Variants in PDXDC1 observed in about 807,000 individuals in gnomAD.
The protein encoded by PDXDC1 is pyridoxal dependent decarboxylase domain containing 1, also known as pyridoxal-dependent decarboxylase domain-containing protein 1.
Under a neutral mutation model 100.1 loss-of-function variants are expected in PDXDC1, and 42 were observed. The ratio of observed to expected loss-of-function variants is 0.42; its 90% CI spans 0.33 to 0.54. The LOEUF (loss-of-function observed/expected upper bound fraction) is 0.54. PDXDC1 is among the 20% of genes least tolerant of loss of function. PDXDC1 has a pLI of 0.10. For synonymous variants in PDXDC1, 260 were observed against 371.7 expected, an observed-to-expected ratio of 0.70 and a Z score of 3.46; for missense variants, 636 against 979.2, an observed-to-expected ratio of 0.65 and a Z score of 4.68.
Position 15,036,433 on chromosome 16 carries a change from G to A in PDXDC1, c.*158G>A. The A allele has an allele frequency of 3.0e-6, 2 of 676,932 alleles. No homozygotes were observed. Among genetic ancestry groups the A allele is most frequent in the South Asian group, 2.0e-5 (1 of 50,570 alleles). 41.9% of individuals were successfully genotyped at this position (676,932 alleles called of 1,614,324 possible). On this transcript the variant is annotated 3_prime_UTR_variant, in exon 23 of 23. Transcript: ENST00000396410. ...ATGTGCCTGAAAGGTAGGCTTTCTA[G>A]GAGGGGAGTCAGCTTGTCTAACTTC...
chr16:15,074,789 C>G, intron 16 of PDXDC1: 1 of 1,614,112 alleles, frequency 6.2e-7, no homozygotes, highest in Non-Finnish European at 8.5e-7. Flanking sequence ...AGGCGCTCGG[C>G]TACAGGATGC....
chr16:15,069,781 C>A (rs2045143662), intron 16 of PDXDC1, among the ~76,000 whole-genome samples: 1 of 152,218 alleles, frequency 6.6e-6, no homozygotes, highest in African/African-American at 2.4e-5. Context: ...CAGCCCAGGG[C>A]TCAGCCTCAC....
At chr16:15,110,014 C>T (rs1302780672) in intron 16 of PDXDC1, among the ~76,000 whole-genome samples, 5 of 146,672 alleles carry the variant, frequency 3.4e-5, no homozygotes, top group Admixed American at 6.9e-5. Flanking sequence ...ATTAGCTGGG[C>T]GTGGTGGTGG....
intron 16 of PDXDC1, chr16:15,127,933 C>T (rs1555478371): frequency 1.8e-5 from 25 of 1,418,398 alleles, no homozygotes; most frequent in South Asian, 1.4e-4. Flanking sequence ...CAGGAGGCCA[C>T]GGGGCAGGAC....
intron 16 of PDXDC1, chr16:15,072,999 G>C (rs2045300755): frequency 3.1e-6 from 5 of 1,613,528 alleles, no homozygotes; most frequent in Non-Finnish European, 4.2e-6. Context: ...ATGGCAGGAG[G>C]CATGGGTGGG....
At chr16:15,144,938 C>T in the PDXDC1 span, among the ~76,000 whole-genome samples, 1 of 152,162 alleles carries the variant, frequency 6.6e-6, no homozygotes, top group African/African-American at 2.4e-5. Context: ...GAATGAGGGC[C>T]GGCTCCTGGT....
chr16:15,135,369 G>A, intron 16 of PDXDC1: 4 of 1,530,498 alleles, frequency 2.6e-6, no homozygotes, highest in Non-Finnish European at 3.5e-6. Flanking sequence ...CGTTCCCGTG[G>A]AATGGTGACC....
intron 4 of PDXDC1, among the ~76,000 whole-genome samples, chr16:15,003,707 G>A (rs1375906471): frequency 2.0e-5 from 3 of 152,274 alleles, no homozygotes; most frequent in Non-Finnish European, 4.4e-5. Flanking sequence ...TTCTGGCCAG[G>A]AGTAGTGGCT....
intron 8 of PDXDC1, among the ~76,000 whole-genome samples, chr16:15,013,551 A>G (rs1456943365): frequency 2.0e-5 from 3 of 152,250 alleles, no homozygotes; most frequent in Non-Finnish European, 4.4e-5. Context: ...TGGACCGTAT[A>G]CTTACATGAG....
chr16:15,127,860 C>A, intron 16 of PDXDC1: 1 of 1,565,468 alleles, frequency 6.4e-7, no homozygotes, highest in Non-Finnish European at 8.6e-7. Context: ...GCAGCTCAGC[C>A]ACCAGCAGGC....
intron 16 of PDXDC1, chr16:15,072,877 C>T (rs2045296187): frequency 1.3e-6 from 2 of 1,490,296 alleles, no homozygotes; most frequent in Non-Finnish European, 1.9e-6. Flanking sequence ...TCTCCGTCCA[C>T]CCCAGTTTTT....
At chr16:15,089,647 A>G (rs1175535867) in intron 16 of PDXDC1, among the ~76,000 whole-genome samples, 1 of 151,742 alleles carries the variant, frequency 6.6e-6, no homozygotes, top group African/African-American at 2.4e-5. Flanking sequence ...AAAAATACAA[A>G]AAATTAGCTG....
Position 15,085,990 on chromosome 16 carries a change from G to A in PDXDC1, c.1400-52889G>A, listed in dbSNP as rs572249318. ...TAGACACCTCCATAGGGGTCATTAC[G>A]GGGAATATATGTCTACCAGACCTGG... On this transcript the variant is annotated intron_variant, in intron 16 of 16. Coordinates refer to the PDXDC1 transcript ENST00000535621. 16 of 664,920 alleles carry A rather than the reference G, an allele frequency of 2.4e-5. 1 individual carries two copies. The highest frequency in any genetic ancestry group is 6.0e-5 in the South Asian group (3 of 49,808). 41.2% of individuals were successfully genotyped at this position (664,920 alleles called of 1,614,324 possible).
chr16:15,042,228 C>T (rs2043849829), downstream of PDXDC1, among the ~76,000 whole-genome samples: 1 of 149,548 alleles, frequency 6.7e-6, no homozygotes, highest in Admixed American at 6.7e-5. Context: ...CTCTGTCACC[C>T]AGGCTGGAGT....
In PDXDC1 at chr16:15,003,284, T is replaced by G. The variant is rs540501955; in HGVS notation, c.243-903T>G. On this transcript the variant is annotated intron_variant, in intron 4 of 22. Coordinates refer to ENST00000396410, the MANE Select transcript of PDXDC1 (RefSeq NM_015027.4). ...CAGGCTGGAGTGCAGTGGTGCCATT[T>G]CGGCTCACTTCAAGCTCTGCCTCCC... Among the ~76,000 whole-genome samples, 7 of 152,258 alleles carry G rather than the reference T, an allele frequency of 4.6e-5. No homozygotes were observed. The East Asian group carries it at 1.4e-3, about 30-fold the overall frequency.
intron 1 of PDXDC1, among the ~76,000 whole-genome samples, chr16:14,986,436 T>C (rs1258271966): frequency 6.6e-6 from 1 of 152,278 alleles, no homozygotes; most frequent in African/African-American, 2.4e-5. Context: ...GCCACTGCAC[T>C]CCAGCCTGGG....
At chr16:15,143,896 A>G (rs1225218400), downstream of PDXDC1, among the ~76,000 whole-genome samples, 1 of 152,186 alleles carries the variant, frequency 6.6e-6, no homozygotes, top group Admixed American at 6.5e-5. Context: ...TGCACATTCC[A>G]GACGCGTGTG....
In PDXDC1 at chr16:15,006,457, G is replaced by C. The variant is rs936906252; in HGVS notation, c.453G>C (p.Arg151Ser). The part of the protein sequence containing the change: ...EEREGLAKIC[R>S]LAIHSRYEDF... Reference sequence around the variant, plus strand: ...GAGAAGGACTTGCAAAGATATGTAGGCTTGCCATTCATTCTCGATATGAAG... The same window carrying C: ...GAGAAGGACTTGCAAAGATATGTAGCCTTGCCATTCATTCTCGATATGAAG... Residue 151 changes from arginine (R) to serine (S), a missense_variant, in exon 6 of 23, where the codon AGG (arginine) becomes AGC (serine). Arg to Ser is a moderately radical substitution (Grantham distance 110, BLOSUM62 -1). This residue lies in a region of PDXDC1 where 125 missense variants were observed against 479.9 expected (regional missense o/e 0.26). Transcript: ENST00000396410. 7 of 1,609,760 alleles carry C rather than the reference G, an allele frequency of 4.3e-6. No homozygotes were observed. The African/African-American group carries it at 9.3e-5, about 21-fold the overall frequency.
chr16:15,058,805 A>T (rs1035488334), intron 16 of PDXDC1, among the ~76,000 whole-genome samples: 1 of 152,178 alleles, frequency 6.6e-6, no homozygotes, highest in African/African-American at 2.4e-5. Flanking sequence ...TGTGTTTCAA[A>T]TTTTTTAATG....
Sources: allele counts gnomAD v4.1 joint callset (sites outside exome capture counted in the v4.1 genomes callset), GRCh38; gene constraint gnomAD v4.1.1; regional missense constraint gnomAD v4.1.1; transcripts MANE v1.5; gene names NCBI Gene and HGNC (gene_info 2026-07-23, HGNC 2026-07-21).